IQGAP2: variants seen among roughly 807,000 people sequenced by gnomAD.
IQGAP2 encodes ras GTPase-activating-like protein IQGAP2.
A neutral mutation model predicts 201.3 loss-of-function variants in IQGAP2; 173 were observed. The observed-to-expected ratio is 0.86, with a 90% CI of 0.76 to 0.98. The LOEUF is 0.98. Among genes scored for constraint, IQGAP2 ranks in the 50% least tolerant of loss-of-function variants. The pLI is 0.00. For synonymous variants in IQGAP2, 675 were observed against 673.9 expected (o/e 1.00, Z -0.03); for missense variants, 1,687 against 1,864.8 (o/e 0.90, Z 1.76).
At chr5:76,588,009 A>C (rs1439632013) in intron 5 of IQGAP2, among the ~76,000 whole-genome samples, 4 of 152,170 alleles carry the variant, frequency 2.6e-5, no homozygotes, top group African/African-American at 4.8e-5. Context: ...TACTTACATT[A>C]AATGACTAAT....
chr5:76,409,475 G>A (rs1448994403), intron 1 of IQGAP2, among the ~76,000 whole-genome samples: 1 of 151,854 alleles, frequency 6.6e-6, no homozygotes, highest in Non-Finnish European at 1.5e-5. Context: ...TCGAACTCCT[G>A]AGCTCAAATG....
rs758524959 is a variant in IQGAP2 at position 76,698,176 on chromosome 5, G to T, written c.4367+29G>T. 8 of 1,499,186 alleles carry T rather than the reference G, an allele frequency of 5.3e-6. No individual in the cohort carries two copies. The South Asian group carries it at 9.4e-5, about 18-fold the overall frequency. 92.9% of individuals were successfully genotyped at this position (1,499,186 alleles called of 1,614,324 possible). ...AGTTAAAATCATGTCATGTTCATTT[G>T]TAATGTCATGATTTCTATGAGATGT... On this transcript the variant is annotated intron_variant, in intron 33 of 35. Coordinates refer to ENST00000274364, the MANE Select transcript of IQGAP2 (RefSeq NM_006633.5).
intron 2 of IQGAP2, among the ~76,000 whole-genome samples, chr5:76,495,919 A>G (rs1047285697): frequency 3.3e-5 from 5 of 152,204 alleles, no homozygotes; most frequent in South Asian, 2.1e-4. Flanking sequence ...AACACCGGGA[A>G]TCACATTTCA....
intron 10 of IQGAP2, among the ~76,000 whole-genome samples, chr5:76,600,606 C>T (rs1234465471): frequency 6.6e-6 from 1 of 152,030 alleles, no homozygotes; most frequent in Non-Finnish European, 1.5e-5. Flanking sequence ...CAACCCAGTC[C>T]CAAAAAATGA....
chr5:76,580,585 T>A (rs1271886213), intron 5 of IQGAP2, among the ~76,000 whole-genome samples: 1 of 152,268 alleles, frequency 6.6e-6, no homozygotes, highest in East Asian at 1.9e-4. Context: ...AACTTCCTTT[T>A]TGGACACTGT....
intron 2 of IQGAP2, among the ~76,000 whole-genome samples, chr5:76,558,747 A>C (rs1191975370): frequency 1.3e-5 from 2 of 152,172 alleles, no homozygotes; most frequent in South Asian, 2.1e-4. Flanking sequence ...TCTTATCACC[A>C]ACACCCCTCC....
intron 1 of IQGAP2, among the ~76,000 whole-genome samples, chr5:76,414,227 G>GT (rs1309839055): frequency 6.6e-6 from 1 of 152,120 alleles, no homozygotes; most frequent in African/African-American, 2.4e-5. Flanking sequence ...TCACTTTTCT[G>GT]TTTTTTGCCC....
chr5:76,510,776 C>A, intron 2 of IQGAP2: 2 of 459,042 alleles, frequency 4.4e-6, no homozygotes, highest in South Asian at 3.4e-5. Context: ...GTAACCACCT[C>A]CTTGGCACCT....
rs377512838 is a variant in IQGAP2, at chr5:76,600,972, G to A, written c.1232G>A (p.Arg411His). 3.1e-5 allele frequency: 50 copies of A among 1,609,422 alleles called. No individual in the cohort carries two copies. Among genetic ancestry groups the A allele is most frequent in the Middle Eastern group, 1.7e-4 (1 of 6,046 alleles). ...AATCTGGACAAGGCATATGTGGAAC[G>A]GTAAGGAACATTTTCCAAACCTTCT... ...LNNLDKAYVE[R>H]YANTLLSVKL... Residue 411 changes from arginine (R) to histidine (H), a missense_variant and splice_region_variant, in exon 11 of 36, where the codon CGT (arginine) becomes CAT (histidine). Coordinates refer to ENST00000274364, the MANE Select transcript of IQGAP2 (RefSeq NM_006633.5).
At chr5:76,512,478 T>G (rs1758029347) in intron 2 of IQGAP2, among the ~76,000 whole-genome samples, 1 of 152,216 alleles carries the variant, frequency 6.6e-6, no homozygotes, top group African/African-American at 2.4e-5. Context: ...AATTGCTTTC[T>G]CTATTGGTGA....
At chr5:76,646,725 G>A (rs1033334288) in intron 17 of IQGAP2, among the ~76,000 whole-genome samples, 2 of 151,670 alleles carry the variant, frequency 1.3e-5, no homozygotes, top group Non-Finnish European at 2.9e-5. Flanking sequence ...GTTTTTTTTT[G>A]AGGGCAATTG....
At chr5:76,607,946 T>C (rs981539877) in intron 12 of IQGAP2, 1 of 152,266 alleles carries the variant, frequency 6.6e-6, no homozygotes, top group Admixed American at 6.5e-5. Context: ...GCTTTGGTTA[T>C]TTCTGTATGT....
chr5:76,624,055 A>G (rs1749996645), intron 13 of IQGAP2, among the ~76,000 whole-genome samples: 1 of 151,558 alleles, frequency 6.6e-6, no homozygotes, highest in South Asian at 2.1e-4. Flanking sequence ...ATCATAGCAC[A>G]TCATGAAAAT....
intron 2 of IQGAP2, among the ~76,000 whole-genome samples, chr5:76,476,897 A>G (rs926837178): frequency 8.5e-5 from 13 of 152,216 alleles, no homozygotes; most frequent in African/African-American, 3.1e-4. Flanking sequence ...ATGTGTAATA[A>G]GTGGGCGTGT....
At chr5:76,550,905 T>G (rs1303816244) in intron 2 of IQGAP2, among the ~76,000 whole-genome samples, 1 of 151,988 alleles carries the variant, frequency 6.6e-6, no homozygotes, top group Non-Finnish European at 1.5e-5. Context: ...GCAGAGGGGC[T>G]CCTCACTTCC....
chr5:76,408,110 G>A (rs1482547278), intron 1 of IQGAP2, among the ~76,000 whole-genome samples: 8 of 152,148 alleles, frequency 5.3e-5, no homozygotes, highest in Non-Finnish European at 7.3e-5. Context: ...GCAATAAGCC[G>A]AGATCACGCC....
At chr5:76,550,471 T>C (rs2150232573) in intron 2 of IQGAP2, among the ~76,000 whole-genome samples, 1 of 152,066 alleles carries the variant, frequency 6.6e-6, no homozygotes, top group Non-Finnish European at 1.5e-5. Context: ...AACAAGGGTC[T>C]CTGGTTTTCC....
intron 2 of IQGAP2, among the ~76,000 whole-genome samples, chr5:76,472,375 G>A (rs539313379): frequency 2.0e-5 from 3 of 152,356 alleles, no homozygotes; most frequent in African/African-American, 7.2e-5. Flanking sequence ...GGGCCTCAGA[G>A]AGGTGTTGGT....
Position 76,652,802 on chromosome 5 carries a change from C to T in IQGAP2, c.2147C>T (p.Thr716Met), listed in dbSNP as rs199827196. ...AAGGAGTATATGCACAGGCGGCAAACGTTCATTGATAATACTGATTCTATT... is the reference window on the plus strand; with the variant it reads ...AAGGAGTATATGCACAGGCGGCAAATGTTCATTGATAATACTGATTCTATT... Reference protein sequence around the residue: ...QRKEYMHRRQTFIDNTDSIVK... With the variant: ...QRKEYMHRRQMFIDNTDSIVK... The change falls in exon 18 of 36, where the codon ACG becomes ATG. Residue 716 changes from threonine (T) to methionine (M), a missense_variant. Thr to Met is a moderately conservative substitution (Grantham distance 81). Transcript: ENST00000274364. The T allele has an allele frequency of 2.9e-5, 46 of 1,610,022 alleles. No homozygotes were observed. Among genetic ancestry groups the T allele is most frequent in the Middle Eastern group, 1.7e-4 (1 of 6,054 alleles).
Sources: gnomAD v4.1 joint callset for allele counts (sites outside exome capture counted in the v4.1 genomes callset) on GRCh38, gnomAD v4.1.1 for gene constraint, MANE v1.5 for transcripts, NCBI Gene and HGNC (gene_info 2026-07-23, HGNC 2026-07-21) for gene names.